The following NFKB1 variants were observed in gnomAD, a reference collection of about 807,000 sequenced individuals.
NFKB1 encodes nuclear factor kappa B subunit 1, also known as nuclear factor NF-kappa-B p105 subunit.
In NFKB1, 9 loss-of-function variants were observed where a neutral mutation model predicts 105.1. That is an observed-to-expected ratio of 0.09 (90% CI 0.05 to 0.15). NFKB1 has a LOEUF of 0.15. Ranked by LOEUF, NFKB1 falls within the 10% of genes least tolerant of loss-of-function variation. The pLI, the probability that NFKB1 is intolerant of heterozygous loss-of-function variation, is 1.00. For missense variants in NFKB1, 830 were observed against 1,203.7 expected (o/e 0.69, Z 4.59); for synonymous variants, 440 against 442.2 (o/e 1.00, Z 0.06).
At chr4:102,520,205 AC>A (rs1740474408) in intron 1 of NFKB1, among the ~76,000 whole-genome samples, 1 of 152,208 alleles carries the variant, frequency 6.6e-6, no homozygotes, top group South Asian at 2.1e-4. Flanking sequence ...ATAGCCAGCC[AC>A]CTTAGAAAGG....
intron 5 of NFKB1, among the ~76,000 whole-genome samples, chr4:102,539,282 C>T (rs779254199): frequency 6.6e-6 from 1 of 150,778 alleles, no homozygotes; most frequent in African/African-American, 2.4e-5. Flanking sequence ...TTTGGTTTTG[C>T]CAGCCTTGCA....
intron 1 of NFKB1, among the ~76,000 whole-genome samples, chr4:102,519,702 C>T (rs974066753): frequency 6.6e-6 from 1 of 151,988 alleles, no homozygotes; most frequent in Non-Finnish European, 1.5e-5. Flanking sequence ...ATGTTATATG[C>T]CAAAGAGGAA....
intron 21 of NFKB1, among the ~76,000 whole-genome samples, 161 bp downstream of exon 21, chr4:102,612,271 G>A (rs149498775): frequency 7.2e-5 from 11 of 152,356 alleles, no homozygotes; most frequent in Non-Finnish European, 1.5e-4. Context: ...TTAATCTACT[G>A]TAAATGTATA....
chr4:102,607,143 A>G lies in NFKB1; in HGVS notation c.1955-7A>G. ...ATCCTGTGACTGTCCCTTTGCTTGG[A>G]CTCTAGGTCTGAATGCCATTCATCT... On this transcript the variant is annotated splice_polypyrimidine_tract_variant and splice_region_variant and intron_variant, in intron 17 of 23. Transcript: ENST00000226574. 6.2e-7 allele frequency: 1 copy of G among 1,613,704 alleles called. No individual in the cohort carries two copies. The highest frequency in any genetic ancestry group is 8.5e-7 in the Non-Finnish European group (1 of 1,179,920).
Position 102,607,322 on chromosome 4 carries a change from G to A in NFKB1, c.2124+3G>A. 1 of 1,610,644 alleles carries A rather than the reference G, an allele frequency of 6.2e-7. No individual in the cohort carries two copies. The highest frequency in any genetic ancestry group is 8.5e-7 in the Non-Finnish European group (1 of 1,177,476). On this transcript the variant is annotated splice_donor_region_variant and intron_variant, in intron 18 of 23. Coordinates refer to ENST00000226574, the MANE Select transcript of NFKB1 (RefSeq NM_003998.4). ...TGGCAGGCTGCCTGCTCCTGGAGGT[G>A]AAGGGCACACTTATTTGCTTTTGCA...
chr4:102,595,026 T>G (rs756808652), intron 13 of NFKB1, 45 bp downstream of exon 13: 1 of 1,342,626 alleles, frequency 7.4e-7, no homozygotes, highest in South Asian at 1.2e-5. Flanking sequence ...AAAAAAATAA[T>G]TAATGCTAAA....
At position 102,501,643 on chromosome 4, in the gene NFKB1, C is replaced by T. The variant is rs1739026857; in HGVS notation, c.-153C>T. On this transcript the variant is annotated 5_prime_UTR_variant, in exon 1 of 24. Coordinates refer to ENST00000226574, the MANE Select transcript of NFKB1 (RefSeq NM_003998.4). ...GCTGACTGGCCTGGCCCGGCCCCGC[C>T]GCGCTCCCGCTCGCCCCGACCCGCA... 1 of 150,208 alleles carries T rather than the reference C, an allele frequency of 6.7e-6. No homozygotes were observed. The highest frequency in any genetic ancestry group is 1.5e-5 in the Non-Finnish European group (1 of 67,498). 9.3% of individuals were successfully genotyped at this position (150,208 alleles called of 1,614,324 possible).
chr4:102,576,049 A>G (rs1478379316), intron 6 of NFKB1, among the ~76,000 whole-genome samples: 1 of 152,204 alleles, frequency 6.6e-6, no homozygotes, highest in Non-Finnish European at 1.5e-5. Context: ...TTTAATTTCA[A>G]AAGTGAATGG....
At chr4:102,578,755 A>C in intron 7 of NFKB1, 126 bp from the exon 8 acceptor site, 1 of 906,814 alleles carries the variant, frequency 1.1e-6, no homozygotes, top group East Asian at 2.6e-5. Context: ...TAGCAATATG[A>C]AGAGTTTCAA....
At chr4:102,580,132 T>C (rs978399975) in intron 8 of NFKB1, among the ~76,000 whole-genome samples, 6 of 152,214 alleles carry the variant, frequency 3.9e-5, no homozygotes, top group African/African-American at 7.2e-5. Context: ...GTACTTTTCC[T>C]AAAGTTTTTA....
intron 6 of NFKB1, 33 bp downstream of exon 6, chr4:102,567,168 G>A (rs753669844): frequency 6.9e-6 from 11 of 1,602,560 alleles, no homozygotes; most frequent in Non-Finnish European, 9.4e-6. Context: ...GTGGAAGGTA[G>A]GAACAGATAG....
At chr4:102,507,123 A>G (rs928149682) in intron 1 of NFKB1, among the ~76,000 whole-genome samples, 2 of 151,508 alleles carry the variant, frequency 1.3e-5, no homozygotes, top group African/African-American at 2.4e-5. Flanking sequence ...AAATGTTAAC[A>G]TCTATAACAA....
intron 6 of NFKB1, among the ~76,000 whole-genome samples, chr4:102,573,931 TTTC>T (rs1476144926): frequency 1.3e-5 from 2 of 152,012 alleles, no homozygotes; most frequent in African/African-American, 4.8e-5. Flanking sequence ...ATACCAATGC[TTTC>T]TTCTTTTTCT....
intron 5 of NFKB1, 109 bp downstream of exon 5, chr4:102,538,065 A>C: frequency 1.6e-6 from 1 of 619,692 alleles, no homozygotes; most frequent in Non-Finnish European, 2.9e-6. Flanking sequence ...TCCTAAGCTG[A>C]AGTGTTCACA....
chr4:102,510,902 A>C, intron 1 of NFKB1: 1 of 1,281,952 alleles, frequency 7.8e-7, no homozygotes, highest in South Asian at 1.3e-5. Context: ...GTCCTACATC[A>C]AGAAAAAAGA....
At chr4:102,532,954 C>CA (rs1283189116) in intron 3 of NFKB1, among the ~76,000 whole-genome samples, 1 of 152,112 alleles carries the variant, frequency 6.6e-6, no homozygotes, top group Non-Finnish European at 1.5e-5. Context: ...CTTATGTTGT[C>CA]AGAGATTCTG....
At chr4:102,576,778 G>A in intron 6 of NFKB1, 98 bp from the exon 7 acceptor site, 1 of 1,251,128 alleles carries the variant, frequency 8.0e-7, no homozygotes, top group Non-Finnish European at 1.1e-6. Context: ...GAGGGCCTGT[G>A]TATTTTTTTT....
intron 5 of NFKB1, among the ~76,000 whole-genome samples, chr4:102,545,988 C>T (rs1268165374): frequency 6.6e-6 from 1 of 152,104 alleles, no homozygotes; most frequent in Non-Finnish European, 1.5e-5. Flanking sequence ...CATAGTGGCT[C>T]ACGCCTATAA....
Position 102,580,563 on chromosome 4 carries a change from T to A in NFKB1, c.759T>A (p.Ile253=), listed in dbSNP as rs772076036. 6.2e-7 allele frequency: 1 copy of A among 1,613,956 alleles called. No homozygotes were observed. The highest frequency in any genetic ancestry group is 8.5e-7 in the Non-Finnish European group (1 of 1,179,882). Residue 253 remains isoleucine, a synonymous_variant, in exon 9 of 24, where the codon ATT becomes ATA. Coordinates refer to ENST00000226574, the MANE Select transcript of NFKB1 (RefSeq NM_003998.4). ...SKAPNASNLK[I]VRMDRTAGCV... ...CCCCCAATGCATCCAACTTGAAAAT[T>A]GTAAGAATGGACAGGACAGCTGGAT...
Sources: allele counts gnomAD v4.1 joint callset (sites outside exome capture counted in the v4.1 genomes callset), GRCh38; gene constraint gnomAD v4.1.1; transcripts MANE v1.5; gene names NCBI Gene and HGNC (gene_info 2026-07-23, HGNC 2026-07-21).